The following STXBP3 variants were observed in gnomAD, a reference collection of about 807,000 sequenced individuals.
STXBP3 encodes syntaxin-binding protein 3.
STXBP3 carries 41 observed loss-of-function variants against 85.7 expected under a neutral mutation model. The ratio of observed to expected loss-of-function variants is 0.48; its 90% CI spans 0.37 to 0.62. STXBP3 has a LOEUF of 0.62. Among genes scored for constraint, STXBP3 ranks in the 20% least tolerant of loss-of-function variants. STXBP3 has a pLI of 0.00. For missense variants in STXBP3, 563 were observed against 703.1 expected (o/e 0.80, Z 2.25); for synonymous variants, 229 against 231.7 (o/e 0.99, Z 0.10).
At chr1:108,764,466 T>C (rs1195418517) in intron 6 of STXBP3, among the ~76,000 whole-genome samples, 2 of 152,200 alleles carry the variant, frequency 1.3e-5, no homozygotes, top group African/African-American at 4.8e-5. Flanking sequence ...CTTTGAGGAA[T>C]CACCACACTG....
chr1:108,780,560 G>GGT (rs1212785198), intron 9 of STXBP3: 1 of 135,468 alleles, frequency 7.4e-6, no homozygotes, highest in African/African-American at 2.8e-5. Context: ...GTAGAGGCAG[G>GGT]GTTTCCCCAT....
rs1348276472 is a variant in STXBP3 at position 108,746,709 on chromosome 1, G to A, written c.-29G>A. 1 of 1,547,852 alleles carries A rather than the reference G, an allele frequency of 6.5e-7. No individual in the cohort carries two copies. Among genetic ancestry groups the A allele is most frequent in the Non-Finnish European group, 8.7e-7 (1 of 1,145,378 alleles). On this transcript the variant is annotated 5_prime_UTR_variant, in exon 1 of 19. Transcript: ENST00000370008. ...CCAAAGTAGGTTGGGAGTGGAAGGT[G>A]GTGGCTGCTGCTCCGCAGTGTCGGG... is the stretch of plus-strand genomic sequence containing the variant.
chr1:108,801,117 G>C (rs1207923400), intron 17 of STXBP3, among the ~76,000 whole-genome samples: 1 of 151,988 alleles, frequency 6.6e-6, no homozygotes, highest in Non-Finnish European at 1.5e-5. Flanking sequence ...TTCACATGTA[G>C]AATTTCCATT....
At chr1:108,748,007 G>A (rs1234582097) in intron 1 of STXBP3, among the ~76,000 whole-genome samples, 5 of 152,110 alleles carry the variant, frequency 3.3e-5, no homozygotes, top group African/African-American at 1.2e-4. Context: ...ATGTATTTAA[G>A]CCAGTTCTTT....
chr1:108,762,364 A>G (rs1390959617), intron 6 of STXBP3, among the ~76,000 whole-genome samples: 3 of 152,224 alleles, frequency 2.0e-5, no homozygotes, highest in Admixed American at 6.5e-5. Flanking sequence ...CCTAATACAC[A>G]AGAAATCAGG....
chr1:108,807,008 C>T (rs1663350889), intron 17 of STXBP3, among the ~76,000 whole-genome samples: 1 of 152,180 alleles, frequency 6.6e-6, no homozygotes, highest in Non-Finnish European at 1.5e-5. Flanking sequence ...TATCCCAGCA[C>T]TTTGGGAGGC....
In STXBP3 at chr1:108,806,272, A is replaced by G. The variant is rs186745973; in HGVS notation, c.1536-1129A>G. ...CTGTCCAGTATGACAGCCACTAGCT[A>G]CATGTGGCTTTTGGGTACTGGATAT... On this transcript the variant is annotated intron_variant, in intron 17 of 18. Coordinates refer to ENST00000370008, the MANE Select transcript of STXBP3 (RefSeq NM_007269.4). Among the ~76,000 whole-genome samples the G allele has an allele frequency of 3.4e-3, 515 of 152,276 alleles. 2 individuals carry two copies. Among genetic ancestry groups the G allele is most frequent in the African/African-American group, 0.012 (493 of 41,568 alleles).
chr1:108,781,651 AT>A (rs557496801), intron 9 of STXBP3: 2 of 152,182 alleles, frequency 1.3e-5, no homozygotes, highest in South Asian at 4.1e-4. Context: ...ATGTTTGTGA[AT>A]TTTGTACCAA....
intron 1 of STXBP3, among the ~76,000 whole-genome samples, chr1:108,751,298 G>A (rs372688739): frequency 6.6e-6 from 1 of 152,088 alleles, no homozygotes; most frequent in Non-Finnish European, 1.5e-5. Context: ...GTCTTTAGGG[G>A]CTCTGTGCTA....
chr1:108,805,677 C>A (rs1180018048), intron 17 of STXBP3, among the ~76,000 whole-genome samples: 1 of 152,192 alleles, frequency 6.6e-6, no homozygotes, highest in Non-Finnish European at 1.5e-5. Context: ...CCCACCTCGG[C>A]CTCCCGAAGT....
intron 9 of STXBP3, chr1:108,781,341 C>G (rs914191059): frequency 5.3e-5 from 8 of 152,162 alleles, no homozygotes; most frequent in African/African-American, 1.9e-4. Flanking sequence ...GCTAGGAAAA[C>G]TCAATGCAGT....
intron 17 of STXBP3, among the ~76,000 whole-genome samples, chr1:108,801,204 C>T (rs537990290): frequency 6.6e-6 from 1 of 151,780 alleles, no homozygotes; most frequent in East Asian, 1.9e-4. Context: ...CTTTTTAATT[C>T]TTTTGATCAT....
intron 4 of STXBP3, 92 bp from the exon 5 acceptor site, chr1:108,758,418 C>A: frequency 1.6e-6 from 1 of 617,814 alleles, no homozygotes. Flanking sequence ...TTTATTTTGT[C>A]ACTGAAATAA....
At chr1:108,755,533 G>A (rs1662000131) in intron 3 of STXBP3, among the ~76,000 whole-genome samples, 2 of 151,552 alleles carry the variant, frequency 1.3e-5, no homozygotes, top group Admixed American at 1.3e-4. Context: ...TTTTTTAGTT[G>A]TTTGATAGAT....
chr1:108,752,453 A>G (rs1400927205), intron 2 of STXBP3, 147 bp downstream of exon 2: 3 of 719,330 alleles, frequency 4.2e-6, no homozygotes, highest in African/African-American at 1.8e-5. Context: ...GGATGTGTGT[A>G]GGTTACATGC....
intron 6 of STXBP3, among the ~76,000 whole-genome samples, chr1:108,764,582 T>C (rs529909630): frequency 5.3e-4 from 80 of 152,324 alleles, no homozygotes; most frequent in African/African-American, 1.9e-3. Flanking sequence ...TTTTTAAAAA[T>C]AGCCATTCTG....
In STXBP3 at chr1:108,805,102, G is replaced by A. The variant is rs191921355; in HGVS notation, c.1536-2299G>A. On this transcript the variant is annotated intron_variant, in intron 17 of 18. Coordinates refer to ENST00000370008, the MANE Select transcript of STXBP3 (RefSeq NM_007269.4). ...TTTATATCTCTCAGTCTTCACATGTGTGTGAAACAAATTAAATATAATCCC... is the reference window on the plus strand; with the variant it reads ...TTTATATCTCTCAGTCTTCACATGTATGTGAAACAAATTAAATATAATCCC... Among the ~76,000 whole-genome samples, 3 of 152,286 alleles carry A rather than the reference G, an allele frequency of 2.0e-5. No homozygotes were observed. The East Asian group carries it at 5.8e-4, about 29-fold the overall frequency.
Position 108,772,798 on chromosome 1 carries a change from A to G in STXBP3, c.572A>G (p.Asn191Ser), listed in dbSNP as rs771177543. ...IVTVCATLDENPGVRYKSKPL... is the reference protein window; with the variant it reads ...IVTVCATLDESPGVRYKSKPL... ...ACAGTGTGTGCCACCTTGGATGAAAATCCCGGAGTAAGATATAAAAGGTAA... is the reference window on the plus strand; with the variant it reads ...ACAGTGTGTGCCACCTTGGATGAAAGTCCCGGAGTAAGATATAAAAGGTAA... The change falls in exon 7 of 19, where the codon AAT becomes AGT. Residue 191 changes from asparagine to serine, a missense_variant. Coordinates refer to ENST00000370008, the MANE Select transcript of STXBP3 (RefSeq NM_007269.4). 5 of 1,598,010 alleles carry G rather than the reference A, an allele frequency of 3.1e-6. No individual in the cohort carries two copies. The Admixed American group carries it at 8.6e-5, about 27-fold the overall frequency.
At chr1:108,788,179 T>A (rs1662899173) in intron 11 of STXBP3, among the ~76,000 whole-genome samples, 1 of 152,232 alleles carries the variant, frequency 6.6e-6, no homozygotes, top group South Asian at 2.1e-4. Context: ...CTTTATTCTG[T>A]TAATGTGATG....
Sources: allele counts gnomAD v4.1 joint callset (sites outside exome capture counted in the v4.1 genomes callset), GRCh38; gene constraint gnomAD v4.1.1; transcripts MANE v1.5; gene names NCBI Gene and HGNC (gene_info 2026-07-23, HGNC 2026-07-21).